The following NCAM2 variants were observed in gnomAD, a reference collection of about 807,000 sequenced individuals.
NCAM2 encodes the protein neural cell adhesion molecule 2.
A neutral mutation model predicts 98.1 loss-of-function variants in NCAM2; 30 were observed. That is an observed-to-expected ratio of 0.31 (90% CI 0.23 to 0.41). The LOEUF (loss-of-function observed/expected upper bound fraction) is 0.41, where lower values mean the gene tolerates loss of function less well. NCAM2 is among the 10% of genes least tolerant of loss of function. The pLI, the probability that NCAM2 is intolerant of heterozygous loss-of-function variation, is 1.00. For synonymous variants in NCAM2, 368 were observed against 342.4 expected, an observed-to-expected ratio of 1.07 and a Z score of -0.83; for missense variants, 867 against 1,005.8, an observed-to-expected ratio of 0.86 and a Z score of 1.87.
chr21:21,359,355 A>G (rs2075581635), intron 8 of NCAM2, among the ~76,000 whole-genome samples: 1 of 152,024 alleles, frequency 6.6e-6, no homozygotes, highest in South Asian at 2.1e-4. Flanking sequence ...GTGGATTTTC[A>G]ATCATTTACA....
intron 15 of NCAM2, among the ~76,000 whole-genome samples, chr21:21,504,755 T>A (rs1987869561): frequency 6.6e-6 from 1 of 151,764 alleles, no homozygotes; most frequent in African/African-American, 2.4e-5. Flanking sequence ...AGAACATAAC[T>A]TTCAAAAGAC....
rs1050674751 is a variant in NCAM2, at chr21:21,410,416, G to A, written c.1338G>A (p.Thr446=). 1.9e-6 allele frequency: 3 copies of A among 1,593,006 alleles called. No individual in the cohort carries two copies. Among genetic ancestry groups the A allele is most frequent in the Non-Finnish European group, 2.6e-6 (3 of 1,169,102 alleles). Reference sequence around the variant, plus strand: ...AATTAGTCTTACCTGCTAAAAACACGACCAATTTAAAGACTTATAGTACAG... The same window carrying A: ...AATTAGTCTTACCTGCTAAAAACACAACCAATTTAAAGACTTATAGTACAG... The part of the protein sequence containing the change: ...RDKLVLPAKN[T]TNLKTYSTGR... Residue 446 remains threonine (T), a synonymous_variant, in exon 10 of 18, where the codon ACG becomes ACA. Coordinates refer to ENST00000400546, the MANE Select transcript of NCAM2 (RefSeq NM_004540.5).
At chr21:21,352,103 G>C (rs1439165074) in intron 8 of NCAM2, among the ~76,000 whole-genome samples, 3 of 151,788 alleles carry the variant, frequency 2.0e-5, no homozygotes, top group African/African-American at 7.3e-5. Context: ...GTCTTGCTTT[G>C]TCACACAGGC....
chr21:21,024,818 C>T (rs1304516675), intron 1 of NCAM2, among the ~76,000 whole-genome samples: 2 of 150,656 alleles, frequency 1.3e-5, no homozygotes, highest in African/African-American at 2.4e-5. Context: ...ACCCAGGAGG[C>T]GGAGACTGCA....
intron 1 of NCAM2, among the ~76,000 whole-genome samples, chr21:21,044,698 G>T (rs1319229238): frequency 6.6e-6 from 1 of 152,174 alleles, no homozygotes; most frequent in Non-Finnish European, 1.5e-5. Context: ...AGATATGGCA[G>T]CTCATGCCTG....
intron 9 of NCAM2, among the ~76,000 whole-genome samples, chr21:21,377,043 A>C (rs970189227): frequency 1.3e-5 from 2 of 151,794 alleles, no homozygotes; most frequent in African/African-American, 4.8e-5. Context: ...TTTTTCTGCA[A>C]ATATTGTTGA....
Position 21,539,194 on chromosome 21 carries a change from T to C in NCAM2, c.*1237T>C, listed in dbSNP as rs1282091489. Reference sequence around the variant, plus strand: ...TTGTTAGGGTTATACCAGAATAAAATGCTTCTTTACTTCCAAGCTATGCAA... The same window carrying C: ...TTGTTAGGGTTATACCAGAATAAAACGCTTCTTTACTTCCAAGCTATGCAA... On this transcript the variant is annotated 3_prime_UTR_variant, in exon 18 of 18. Coordinates refer to ENST00000400546, the MANE Select transcript of NCAM2 (RefSeq NM_004540.5). The C allele has an allele frequency of 2.6e-5, 4 of 152,226 alleles. No homozygotes were observed. Among genetic ancestry groups the C allele is most frequent in the Non-Finnish European group, 5.9e-5 (4 of 68,036 alleles). 9.4% of individuals were successfully genotyped at this position (152,226 alleles called of 1,614,324 possible).
chr21:21,186,290 G>A (rs2068638986), intron 1 of NCAM2, among the ~76,000 whole-genome samples: 1 of 152,024 alleles, frequency 6.6e-6, no homozygotes, highest in African/African-American at 2.4e-5. Context: ...TAAAATTTGT[G>A]CTTTGATTTG....
chr21:21,272,496 A>ACGCG (rs2072540220), intron 1 of NCAM2, among the ~76,000 whole-genome samples: 4 of 59,674 alleles, frequency 6.7e-5, no homozygotes, highest in Non-Finnish European at 1.2e-4. Flanking sequence ...ATACACACAC[A>ACGCG]TGCGCGCGCG....
At chr21:21,486,029 C>G (rs1184638649) in intron 15 of NCAM2, among the ~76,000 whole-genome samples, 3 of 152,000 alleles carry the variant, frequency 2.0e-5, no homozygotes, top group Non-Finnish European at 4.4e-5. Flanking sequence ...GCCGGCTGGG[C>G]GCGGTGGCTC....
chr21:21,475,236 T>C (rs1985013050), intron 14 of NCAM2, among the ~76,000 whole-genome samples: 1 of 151,716 alleles, frequency 6.6e-6, no homozygotes, highest in Admixed American at 6.6e-5. Context: ...GGCGCTAGAG[T>C]GTATTATTTC....
chr21:21,123,448 C>T (rs2066719294), intron 1 of NCAM2, among the ~76,000 whole-genome samples: 1 of 151,726 alleles, frequency 6.6e-6, no homozygotes, highest in Non-Finnish European at 1.5e-5. Flanking sequence ...TTTAAAAACA[C>T]AGTAAATTAT....
intron 1 of NCAM2, among the ~76,000 whole-genome samples, chr21:21,028,062 C>T (rs1157653218): frequency 6.6e-6 from 1 of 152,094 alleles, no homozygotes; most frequent in African/African-American, 2.4e-5. Flanking sequence ...GGGATTCCTT[C>T]ATGTTAGTCA....
intron 12 of NCAM2, among the ~76,000 whole-genome samples, chr21:21,436,366 A>C (rs1978330814): frequency 6.6e-6 from 1 of 152,214 alleles, no homozygotes; most frequent in Admixed American, 6.5e-5. Context: ...ACCCTGAACC[A>C]CTTACAACAT....
chr21:21,314,400 A>T (rs562732872), intron 5 of NCAM2, among the ~76,000 whole-genome samples: 19 of 152,096 alleles, frequency 1.2e-4, no homozygotes, highest in Non-Finnish European at 2.6e-4. Context: ...ACTATTGCAT[A>T]TTTTGGTGTT....
In NCAM2 at chr21:21,359,063, A is replaced by G. The variant is rs73894628; in HGVS notation, c.1045-14800A>G. Among the ~76,000 whole-genome samples the G allele has an allele frequency of 2.2e-3, 332 of 152,100 alleles. 1 individual carries two copies. Among genetic ancestry groups the G allele is most frequent in the African/African-American group, 7.5e-3 (312 of 41,564 alleles). Reference sequence around the variant, plus strand: ...TGTAGAGAAGAATGCTGAACAACATACCACCAGTTCCTGGCACCTGTAGAT... The same window carrying G: ...TGTAGAGAAGAATGCTGAACAACATGCCACCAGTTCCTGGCACCTGTAGAT... On this transcript the variant is annotated intron_variant, in intron 8 of 17. Transcript: ENST00000400546.
chr21:21,374,522 G>A (rs1471809333), intron 9 of NCAM2, among the ~76,000 whole-genome samples: 3 of 151,794 alleles, frequency 2.0e-5, no homozygotes, highest in Non-Finnish European at 4.4e-5. Flanking sequence ...AAAGGAGCAT[G>A]ACAAGGATAG....
rs1308006569 is a variant in NCAM2 at position 21,160,351 on chromosome 21, A to C, written c.56-120227A>C. Among the ~76,000 whole-genome samples, 2 of 151,944 alleles carry C rather than the reference A, an allele frequency of 1.3e-5. 1 individual carries two copies. The highest frequency in any genetic ancestry group is 6.4e-3 in the Middle Eastern group (2 of 314). Reference sequence around the variant, plus strand: ...TATAAATATATTGTTGTAGCATAAAATACTTGTTTTCAATACATTGCCATT... The same window carrying C: ...TATAAATATATTGTTGTAGCATAAACTACTTGTTTTCAATACATTGCCATT... On this transcript the variant is annotated intron_variant, in intron 1 of 17. Coordinates refer to ENST00000400546, the MANE Select transcript of NCAM2 (RefSeq NM_004540.5).
intron 1 of NCAM2, among the ~76,000 whole-genome samples, chr21:21,208,765 C>T (rs2069535506): frequency 6.6e-6 from 1 of 152,102 alleles, no homozygotes; most frequent in African/African-American, 2.4e-5. Context: ...AAATAAGTGA[C>T]AATTTAATTC....
Sources: gnomAD v4.1 joint callset for allele counts (sites outside exome capture counted in the v4.1 genomes callset) on GRCh38, gnomAD v4.1.1 for gene constraint, MANE v1.5 for transcripts, NCBI Gene and HGNC (gene_info 2026-07-23, HGNC 2026-07-21) for gene names.